The following DOK6 variants were observed in gnomAD, a reference collection of about 807,000 sequenced individuals.
DOK6 encodes the protein docking protein 6.
A neutral mutation model predicts 44.0 loss-of-function variants in DOK6; 22 were observed. The ratio of observed to expected loss-of-function variants is 0.50; its 90% CI spans 0.36 to 0.71. The LOEUF (loss-of-function observed/expected upper bound fraction) is 0.71. Ranked by LOEUF, DOK6 falls within the 30% of genes least tolerant of loss-of-function variation. The pLI is 0.00. For synonymous variants in DOK6, 166 were observed against 145.5 expected (o/e 1.14, Z -1.01); for missense variants, 340 against 416.4 (o/e 0.82, Z 1.60).
intron 6 of DOK6, 94 bp from the exon 7 acceptor site, chr18:69,757,662 T>A (rs1247334562): frequency 5.0e-6 from 5 of 992,500 alleles, no homozygotes; most frequent in Non-Finnish European, 7.9e-6. Flanking sequence ...GCAGATTCTA[T>A]CTGTCACTCA....
At chr18:69,804,633 T>A (rs1190487716) in intron 7 of DOK6, among the ~76,000 whole-genome samples, 1 of 152,214 alleles carries the variant, frequency 6.6e-6, no homozygotes, top group Non-Finnish European at 1.5e-5. Context: ...TGTTTATGGA[T>A]GAACACATTA....
intron 3 of DOK6, among the ~76,000 whole-genome samples, chr18:69,658,527 A>T (rs1985428016): frequency 6.6e-6 from 1 of 152,212 alleles, no homozygotes; most frequent in Non-Finnish European, 1.5e-5. Context: ...ATTATTATAC[A>T]AGCTTATTCC....
intron 5 of DOK6, among the ~76,000 whole-genome samples, chr18:69,700,747 T>C (rs934859251): frequency 1.3e-5 from 2 of 152,162 alleles, no homozygotes; most frequent in Non-Finnish European, 2.9e-5. Flanking sequence ...GAAGGTCTTG[T>C]CCATACTTGA....
intron 7 of DOK6, among the ~76,000 whole-genome samples, chr18:69,839,625 C>G (rs1982155289): frequency 6.6e-6 from 1 of 152,232 alleles, no homozygotes; most frequent in African/African-American, 2.4e-5. Flanking sequence ...GCTGGGGGAA[C>G]CGATGAGAAA....
chr18:69,507,455 T>A (rs1981228374), intron 1 of DOK6, among the ~76,000 whole-genome samples: 1 of 152,198 alleles, frequency 6.6e-6, no homozygotes, highest in South Asian at 2.1e-4. Flanking sequence ...AGCTCATTGA[T>A]TTTTACAAAA....
intron 7 of DOK6, among the ~76,000 whole-genome samples, chr18:69,762,425 A>G (rs4494649): frequency 0.59 from 90,284 of 152,052 alleles, 29,119 homozygotes; most frequent in East Asian, 0.8. Flanking sequence ...TCTTCTTTAC[A>G]AAAAGGAGAA....
At chr18:69,677,922 G>T in intron 4 of DOK6, 69 bp downstream of exon 4, 1 of 1,547,860 alleles carries the variant, frequency 6.5e-7, no homozygotes, top group Non-Finnish European at 8.7e-7. Context: ...AACTGGAAAG[G>T]ATCTCAGAAA....
chr18:69,444,906 A>G (rs1176753475), intron 1 of DOK6, among the ~76,000 whole-genome samples: 2 of 152,166 alleles, frequency 1.3e-5, no homozygotes, highest in African/African-American at 4.8e-5. Flanking sequence ...TTGATTCTGT[A>G]GATCACTTGT....
intron 3 of DOK6, among the ~76,000 whole-genome samples, chr18:69,640,303 C>T (rs1984908966): frequency 6.6e-6 from 1 of 152,182 alleles, no homozygotes; most frequent in Non-Finnish European, 1.5e-5. Context: ...TCACAGTCCT[C>T]AAAATCTCTT....
chr18:69,550,712 C>T (rs1379030884), intron 1 of DOK6, among the ~76,000 whole-genome samples: 2 of 150,664 alleles, frequency 1.3e-5, no homozygotes, highest in African/African-American at 4.9e-5. Context: ...ATTTTGTTTT[C>T]CCTAATATAT....
intron 2 of DOK6, among the ~76,000 whole-genome samples, chr18:69,594,275 TACAC>T (rs1983689847): frequency 1.3e-5 from 2 of 151,644 alleles, no homozygotes; most frequent in Non-Finnish European, 1.5e-5. Flanking sequence ...TGTACACACA[TACAC>T]ACACATGCAC....
At chr18:69,785,543 G>GT (rs922289126) in intron 7 of DOK6, among the ~76,000 whole-genome samples, 31 of 151,940 alleles carry the variant, frequency 2.0e-4, no homozygotes, top group South Asian at 8.3e-4. Flanking sequence ...ATCAAGGCAG[G>GT]TTTTTTTTCC....
chr18:69,752,294 A>C (rs1281972412), intron 6 of DOK6, among the ~76,000 whole-genome samples: 1 of 152,192 alleles, frequency 6.6e-6, no homozygotes, highest in Non-Finnish European at 1.5e-5. Context: ...TTTGTATTAA[A>C]ATGTGAACAC....
intron 3 of DOK6, among the ~76,000 whole-genome samples, chr18:69,656,422 A>T (rs72634411): frequency 6.6e-6 from 1 of 152,162 alleles, no homozygotes; most frequent in Admixed American, 6.5e-5. Flanking sequence ...TAGAGTATAG[A>T]TGTTCTAGTC....
At chr18:69,828,900 A>ATATATATATATATATATATATATATATG (rs59036025) in intron 7 of DOK6, among the ~76,000 whole-genome samples, 1 of 127,876 alleles carries the variant, frequency 7.8e-6, no homozygotes, top group South Asian at 2.7e-4. Context: ...ATATATATAT[A>ATATATATATATATATATATATATATATG]GTATGTATGT....
At chr18:69,553,431 T>C (rs1982613662) in intron 1 of DOK6, among the ~76,000 whole-genome samples, 1 of 152,218 alleles carries the variant, frequency 6.6e-6, no homozygotes, top group African/African-American at 2.4e-5. Context: ...ATTAGAGATA[T>C]TATGATGTGG....
intron 7 of DOK6, among the ~76,000 whole-genome samples, chr18:69,774,120 G>GATATATATATGAGATATATAT (rs1568122430): frequency 7.5e-5 from 2 of 26,544 alleles, no homozygotes; most frequent in Non-Finnish European, 1.9e-4. Flanking sequence ...GATTTATATA[G>GATATATATATGAGATATATAT]ATATATATAT....
At chr18:69,527,311 TTTAA>T (rs1186377461) in intron 1 of DOK6, among the ~76,000 whole-genome samples, 1 of 152,080 alleles carries the variant, frequency 6.6e-6, no homozygotes, top group Non-Finnish European at 1.5e-5. Context: ...AGGAAAGAGG[TTTAA>T]TTGACTCACA....
chr18:69,837,153 T>C (rs1003491777), intron 7 of DOK6, among the ~76,000 whole-genome samples: 3 of 152,134 alleles, frequency 2.0e-5, no homozygotes, highest in African/African-American at 4.8e-5. Flanking sequence ...TTTTTTGTGT[T>C]GCTATAACAG....
Sources: gnomAD v4.1 joint callset for allele counts (sites outside exome capture counted in the v4.1 genomes callset) on GRCh38, gnomAD v4.1.1 for gene constraint, MANE v1.5 for transcripts, NCBI Gene and HGNC (gene_info 2026-07-23, HGNC 2026-07-21) for gene names.